Variants in HSD17B12 observed in about 807,000 individuals in gnomAD.
HSD17B12 encodes hydroxysteroid 17-beta dehydrogenase 12, also known as very-long-chain 3-oxoacyl-CoA reductase.
A neutral mutation model predicts 39.3 loss-of-function variants in HSD17B12; 32 were observed. That is an observed-to-expected ratio of 0.81 (90% confidence interval 0.61 to 1.09). The LOEUF is 1.09. HSD17B12 is among the 50% of genes least tolerant of loss of function. The pLI is 0.00. For missense variants in HSD17B12, 342 were observed against 382.9 expected, an observed-to-expected ratio of 0.89 and a Z score of 0.89; for synonymous variants, 150 against 146.7, an observed-to-expected ratio of 1.02 and a Z score of -0.16.
intron 9 of HSD17B12, among the ~76,000 whole-genome samples, chr11:43,843,266 C>T (rs1951443663): frequency 6.6e-6 from 1 of 151,398 alleles, no homozygotes; most frequent in Non-Finnish European, 1.5e-5. Flanking sequence ...ATCAAAGGGG[C>T]AAAAAAAATG....
chr11:43,815,305 T>A (rs1469128362), intron 4 of HSD17B12, 132 bp from the exon 5 acceptor site: 6 of 454,892 alleles, frequency 1.3e-5, no homozygotes, highest in Non-Finnish European at 2.3e-5. Flanking sequence ...GTGGAAAAGG[T>A]TATGCTAGCC....
At chr11:43,625,202 T>A in the HSD17B12 span, among the ~76,000 whole-genome samples, 1 of 151,694 alleles carries the variant, frequency 6.6e-6, no homozygotes, top group Non-Finnish European at 1.5e-5. Context: ...AATCAAAAAT[T>A]AAATTTTCTC....
At chr11:43,617,858 C>T in the HSD17B12 span, among the ~76,000 whole-genome samples, 1 of 152,150 alleles carries the variant, frequency 6.6e-6, no homozygotes. Flanking sequence ...CTACCGTCTG[C>T]AAGGTTCGTG....
At chr11:43,746,144 T>G (rs1950410791) in intron 1 of HSD17B12, among the ~76,000 whole-genome samples, 1 of 152,202 alleles carries the variant, frequency 6.6e-6, no homozygotes, top group South Asian at 2.1e-4. Flanking sequence ...GCCTAGGATA[T>G]TACTGTAGAC....
intron 6 of HSD17B12, among the ~76,000 whole-genome samples, chr11:43,817,970 C>T (rs1951146261): frequency 6.6e-6 from 1 of 152,106 alleles, no homozygotes; most frequent in Non-Finnish European, 1.5e-5. Context: ...TTCTACCCAT[C>T]CATGATCATG....
intron 1 of HSD17B12, among the ~76,000 whole-genome samples, chr11:43,750,702 C>T (rs1408981083): frequency 6.6e-6 from 1 of 152,194 alleles, no homozygotes; most frequent in African/African-American, 2.4e-5. Flanking sequence ...AGTTGCTCCA[C>T]ATTCTTTTTA....
chr11:43,593,276 C>T, the HSD17B12 span, among the ~76,000 whole-genome samples: 1 of 152,112 alleles, frequency 6.6e-6, no homozygotes, highest in Non-Finnish European at 1.5e-5. Flanking sequence ...ATGATTTCCT[C>T]CAAGTTTCAT....
intron 9 of HSD17B12, among the ~76,000 whole-genome samples, chr11:43,847,475 C>G (rs1239995886): frequency 1.3e-5 from 2 of 152,096 alleles, no homozygotes; most frequent in Non-Finnish European, 2.9e-5. Context: ...GAGGCCAAGG[C>G]AGGAGGGTCG....
intron 3 of HSD17B12, among the ~76,000 whole-genome samples, chr11:43,790,188 C>A (rs1258737422): frequency 6.6e-6 from 1 of 152,066 alleles, no homozygotes; most frequent in Non-Finnish European, 1.5e-5. Context: ...TAATTACAAG[C>A]AAATTGAGTC....
chr11:43,804,709 T>C (rs1302444308), intron 4 of HSD17B12, among the ~76,000 whole-genome samples: 4 of 152,198 alleles, frequency 2.6e-5, no homozygotes, highest in African/African-American at 9.7e-5. Flanking sequence ...GAAAACCTAG[T>C]GTTTCCCAGA....
At chr11:43,631,829 C>G in the HSD17B12 span, among the ~76,000 whole-genome samples, 3 of 152,134 alleles carry the variant, frequency 2.0e-5, no homozygotes, top group Non-Finnish European at 4.4e-5. Flanking sequence ...AGCTGACTCT[C>G]CAGGGAGTTG....
chr11:43,635,261 T>G, the HSD17B12 span, among the ~76,000 whole-genome samples: 1 of 152,188 alleles, frequency 6.6e-6, no homozygotes, highest in Non-Finnish European at 1.5e-5. Context: ...AATAATAAGG[T>G]AAAATCTTAT....
chr11:43,680,923 G>A lies in HSD17B12; in HGVS notation c.96G>A (p.Thr32=). The A allele has an allele frequency of 6.2e-7, 1 of 1,613,576 alleles. No individual in the cohort carries two copies. The highest frequency in any genetic ancestry group is 1.1e-5 in the South Asian group (1 of 91,068). The change falls in exon 1 of 11, where the codon ACG becomes ACA. Residue 32 remains threonine, a synonymous_variant. Coordinates refer to ENST00000278353, the MANE Select transcript of HSD17B12 (RefSeq NM_016142.3). The stretch of plus-strand genomic sequence containing the variant: ...TGCGTATTTCGTACTCGCTCTTCAC[G>A]GCCCTCCGGGTCTGGGGAGTGGGGA... ...LALRISYSLF[T]ALRVWGVGNE...
At chr11:43,826,081 C>CTTTTCTTTTTTTTTT (rs1565102987) in intron 6 of HSD17B12, among the ~76,000 whole-genome samples, 1 of 75,278 alleles carries the variant, frequency 1.3e-5, no homozygotes, top group African/African-American at 4.3e-5. Flanking sequence ...CTTTTTTTTT[C>CTTTTCTTTTTTTTTT]TTTTTTTTTT....
intron 3 of HSD17B12, among the ~76,000 whole-genome samples, chr11:43,789,859 A>T (rs1478228797): frequency 6.6e-6 from 1 of 152,060 alleles, no homozygotes; most frequent in Non-Finnish European, 1.5e-5. Context: ...TTGAACCCAG[A>T]AGGTCCAAGC....
chr11:43,638,671 T>C, the HSD17B12 span, among the ~76,000 whole-genome samples: 2 of 152,222 alleles, frequency 1.3e-5, no homozygotes, highest in Non-Finnish European at 2.9e-5. Context: ...AAGCAGTTTA[T>C]GTTAATCCCT....
At chr11:43,688,940 ATTTG>A (rs1016292402) in intron 1 of HSD17B12, among the ~76,000 whole-genome samples, 1 of 152,162 alleles carries the variant, frequency 6.6e-6, no homozygotes, top group African/African-American at 2.4e-5. Flanking sequence ...TAAGAGCATC[ATTTG>A]TTTGTATAGA....
At chr11:43,698,831 A>G (rs984439108) in intron 1 of HSD17B12, among the ~76,000 whole-genome samples, 3 of 152,206 alleles carry the variant, frequency 2.0e-5, no homozygotes, top group Admixed American at 6.5e-5. Context: ...TGAGGTTCAC[A>G]TTGCTTCAAG....
chr11:43,742,139 A>ATTT (rs34321708), intron 1 of HSD17B12, among the ~76,000 whole-genome samples: 47 of 123,490 alleles, frequency 3.8e-4, no homozygotes, highest in East Asian at 1.2e-3. Context: ...ATATATATAT[A>ATTT]TTTTTTTTTT....
Sources: allele counts gnomAD v4.1 joint callset (sites outside exome capture counted in the v4.1 genomes callset), GRCh38; gene constraint gnomAD v4.1.1; transcripts MANE v1.5; gene names NCBI Gene and HGNC (gene_info 2026-07-23, HGNC 2026-07-21).